The following SPRED2 variants were observed in gnomAD, a reference collection of about 807,000 sequenced individuals.
SPRED2 encodes the protein sprouty related EVH1 domain containing 2, also known as sprouty-related, EVH1 domain-containing protein 2.
Under a neutral mutation model 43.0 loss-of-function variants are expected in SPRED2, and 47 were observed. That is an observed-to-expected ratio of 1.09 (90% confidence interval 0.87 to 1.40). SPRED2 has a LOEUF of 1.40. Among genes scored for constraint, SPRED2 ranks in the 40% most tolerant of loss-of-function variants. The probability of loss-of-function intolerance (pLI) is 0.00; values close to 1 mark genes in which losing one functional copy is unlikely to be tolerated. For missense variants in SPRED2, 561 were observed against 586.4 expected, an observed-to-expected ratio of 0.96 and a Z score of 0.45; for synonymous variants, 225 against 225.7, an observed-to-expected ratio of 1.00 and a Z score of 0.03.
chr2:65,333,453 A>G (rs1346415426), intron 3 of SPRED2, among the ~76,000 whole-genome samples: 1 of 152,114 alleles, frequency 6.6e-6, no homozygotes, highest in Non-Finnish European at 1.5e-5. Context: ...AATTACTCCA[A>G]TCAACCAATG....
intron 4 of SPRED2, among the ~76,000 whole-genome samples, chr2:65,317,513 AAAC>A (rs200353741): frequency 0.033 from 4,896 of 147,292 alleles, 209 homozygotes; most frequent in African/African-American, 0.099. Flanking sequence ...ACTCCATCTC[AAAC>A]AACAACAACA....
At chr2:65,391,077 G>A (rs1309543265) in intron 1 of SPRED2, among the ~76,000 whole-genome samples, 1 of 110,508 alleles carries the variant, frequency 9.0e-6, no homozygotes, top group Non-Finnish European at 1.9e-5. Flanking sequence ...GACAGAGCGA[G>A]ACTCCATCTC....
chr2:65,424,463 G>T (rs1676512345), intron 1 of SPRED2, among the ~76,000 whole-genome samples: 1 of 151,936 alleles, frequency 6.6e-6, no homozygotes, highest in South Asian at 2.1e-4. Context: ...TGGGTATGAG[G>T]GTTAATAAAT....
chr2:65,411,854 C>T (rs189530640), intron 1 of SPRED2, among the ~76,000 whole-genome samples: 42 of 152,174 alleles, frequency 2.8e-4, no homozygotes, highest in Admixed American at 1.4e-3. Flanking sequence ...CAAGACCAGG[C>T]GCGGTGGCTC....
At chr2:65,381,679 G>C (rs1406778935) in intron 1 of SPRED2, among the ~76,000 whole-genome samples, 1 of 152,218 alleles carries the variant, frequency 6.6e-6, no homozygotes, top group African/African-American at 2.4e-5. Flanking sequence ...GAGGTGCCTC[G>C]GTGCAGGGCC....
chr2:65,318,037 G>A (rs1336428637), intron 4 of SPRED2, among the ~76,000 whole-genome samples: 1 of 152,166 alleles, frequency 6.6e-6, no homozygotes, highest in Non-Finnish European at 1.5e-5. Flanking sequence ...TCATGAATTT[G>A]TGGGAGGGAC....
At chr2:65,351,743 T>C (rs1473750340) in intron 1 of SPRED2, among the ~76,000 whole-genome samples, 1 of 152,228 alleles carries the variant, frequency 6.6e-6, no homozygotes, top group Non-Finnish European at 1.5e-5. Context: ...AGTGATCTTT[T>C]TAAAAAGAAT....
At chr2:65,393,492 G>T (rs1054343794) in intron 1 of SPRED2, among the ~76,000 whole-genome samples, 2 of 151,706 alleles carry the variant, frequency 1.3e-5, no homozygotes, top group Non-Finnish European at 1.5e-5. Flanking sequence ...TGCCACTACC[G>T]CCCGGCTAAT....
chr2:65,386,635 C>T (rs1379360861), intron 1 of SPRED2, among the ~76,000 whole-genome samples: 1 of 152,212 alleles, frequency 6.6e-6, no homozygotes, highest in Non-Finnish European at 1.5e-5. Context: ...ACATCATCTT[C>T]ATCCTTACAG....
At chr2:65,368,264 C>T (rs1675035501) in intron 1 of SPRED2, among the ~76,000 whole-genome samples, 1 of 152,328 alleles carries the variant, frequency 6.6e-6, no homozygotes, top group South Asian at 2.1e-4. Context: ...ACAGTCCCAT[C>T]CAACATCAAA....
At chr2:65,427,211 A>G (rs1266576980) in intron 1 of SPRED2, among the ~76,000 whole-genome samples, 1 of 151,984 alleles carries the variant, frequency 6.6e-6, no homozygotes, top group African/African-American at 2.4e-5. Context: ...AGCTGGGACT[A>G]CAGGTGTGCG....
chr2:65,389,678 A>AAC (rs147025293), intron 1 of SPRED2, among the ~76,000 whole-genome samples: 16,604 of 152,158 alleles, frequency 0.11, 1,319 homozygotes, highest in Non-Finnish European at 0.16. Flanking sequence ...CAAAACAATT[A>AAC]TAGAATTTCT....
chr2:65,393,000 C>A (rs1305641855), intron 1 of SPRED2, among the ~76,000 whole-genome samples: 1 of 152,118 alleles, frequency 6.6e-6, no homozygotes, highest in East Asian at 1.9e-4. Context: ...CTTCGAGGAG[C>A]CTGCAAAGAG....
chr2:65,320,782 G>C (rs746677356), intron 4 of SPRED2, among the ~76,000 whole-genome samples: 1 of 152,156 alleles, frequency 6.6e-6, no homozygotes, highest in Non-Finnish European at 1.5e-5. Flanking sequence ...TGTACTACCA[G>C]GGCATCTCCA....
rs114745401 is a variant in SPRED2 at position 65,328,017 on chromosome 2, C to T, written c.438+3970G>A. ...GATTACAGGCATGAACCGCTGTGCC[C>T]GGCCCATTTTTGCTTTTCTTACCCA... On this transcript the variant is annotated intron_variant, in intron 4 of 5. Coordinates refer to ENST00000356388, the MANE Select transcript of SPRED2 (RefSeq NM_181784.3). 9.9e-3 allele frequency among the ~76,000 whole-genome samples: 1,513 copies of T among 152,162 alleles called. 28 individuals are homozygous for T. The highest frequency in any genetic ancestry group is 0.035 in the African/African-American group (1,456 of 41,504).
At chr2:65,423,067 T>C (rs1676471332) in intron 1 of SPRED2, among the ~76,000 whole-genome samples, 1 of 152,264 alleles carries the variant, frequency 6.6e-6, no homozygotes, top group African/African-American at 2.4e-5. Flanking sequence ...ATTAAACCTC[T>C]AGTCTAGCAC....
intron 1 of SPRED2, among the ~76,000 whole-genome samples, chr2:65,388,023 C>A (rs377515159): frequency 3.3e-5 from 5 of 152,152 alleles, no homozygotes; most frequent in African/African-American, 1.2e-4. Flanking sequence ...GAACTCCTGA[C>A]CTCAAGTGAT....
chr2:65,314,234 A>G, intron 5 of SPRED2, 65 bp from the exon 6 acceptor site: 2 of 1,449,268 alleles, frequency 1.4e-6, no homozygotes, highest in Non-Finnish European at 1.8e-6. Context: ...ACAAAAAAAC[A>G]CCCCACCTTC....
At chr2:65,352,012 C>T (rs1157787373) in intron 1 of SPRED2, among the ~76,000 whole-genome samples, 2 of 152,132 alleles carry the variant, frequency 1.3e-5, no homozygotes, top group Non-Finnish European at 2.9e-5. Context: ...GAAGGTAGAA[C>T]ACTTGCTCTA....
Sources: gnomAD v4.1 joint callset for allele counts (sites outside exome capture counted in the v4.1 genomes callset) on GRCh38, gnomAD v4.1.1 for gene constraint, MANE v1.5 for transcripts, NCBI Gene and HGNC (gene_info 2026-07-23, HGNC 2026-07-21) for gene names.